Variants in PTPN9 observed in about 807,000 individuals in gnomAD.
The protein encoded by PTPN9 is protein tyrosine phosphatase non-receptor type 9, also known as tyrosine-protein phosphatase non-receptor type 9.
PTPN9 carries 26 observed loss-of-function variants against 69.8 expected under a neutral mutation model. That is an observed-to-expected ratio of 0.37 (90% CI 0.27 to 0.52). The LOEUF (loss-of-function observed/expected upper bound fraction) is 0.52, where lower values mean the gene tolerates loss of function less well. Among genes scored for constraint, PTPN9 ranks in the 20% least tolerant of loss-of-function variants. PTPN9 has a pLI of 0.91. For missense variants in PTPN9, 549 were observed against 740.3 expected, an observed-to-expected ratio of 0.74 and a Z score of 3.00; for synonymous variants, 274 against 272.5, an observed-to-expected ratio of 1.01 and a Z score of -0.05.
chr15:75,544,372 C>T (rs2075022141), intron 1 of PTPN9, among the ~76,000 whole-genome samples: 1 of 152,110 alleles, frequency 6.6e-6, no homozygotes, highest in South Asian at 2.1e-4. Context: ...ATCTCCACAA[C>T]ATATGAAAAT....
chr15:75,463,981 C>CA lies in PTPN9; in HGVS notation c.*4787_*4788insT, dbSNP rs1453570876. The stretch of plus-strand genomic sequence containing the variant: ...TGTTCATGCTTTGCCTCTGAGAAAC[C>CA]CTGTAGACCCCACATTAAGAAACAG... On this transcript the variant is annotated 3_prime_UTR_variant, in exon 13 of 13. Coordinates refer to ENST00000618819, the MANE Select transcript of PTPN9 (RefSeq NM_002833.4). 3 of 152,146 alleles carry CA rather than the reference C, an allele frequency of 2.0e-5. No individual in the cohort carries two copies. Among genetic ancestry groups the CA allele is most frequent in the African/African-American group, 7.2e-5 (3 of 41,410 alleles). 9.4% of individuals were successfully genotyped at this position (152,146 alleles called of 1,614,324 possible).
intron 8 of PTPN9, 36 bp from the exon 9 acceptor site, chr15:75,479,950 AG>A: frequency 7.1e-7 from 1 of 1,405,702 alleles, no homozygotes; most frequent in Non-Finnish European, 9.9e-7. Context: ...ATAGCTACAC[AG>A]AATACACCAT....
chr15:75,523,536 C>A (rs1225244066), intron 3 of PTPN9, among the ~76,000 whole-genome samples: 5 of 152,172 alleles, frequency 3.3e-5, no homozygotes, highest in Non-Finnish European at 7.3e-5. Flanking sequence ...TCCTAGCTAA[C>A]TTCCCTGGCA....
At chr15:75,518,505 A>C in intron 4 of PTPN9, among the ~76,000 whole-genome samples, 1 of 151,608 alleles carries the variant, frequency 6.6e-6, no homozygotes, top group African/African-American at 2.4e-5. Flanking sequence ...AAGAAAAAAA[A>C]GTAGATTAAC....
intron 1 of PTPN9, among the ~76,000 whole-genome samples, chr15:75,572,224 C>T (rs2075151383): frequency 6.6e-6 from 1 of 151,696 alleles, no homozygotes; most frequent in Non-Finnish European, 1.5e-5. Flanking sequence ...CCCAGCTACT[C>T]GGGAGGCCAA....
chr15:75,570,065 C>G (rs1002333346), intron 1 of PTPN9, among the ~76,000 whole-genome samples: 4 of 152,012 alleles, frequency 2.6e-5, no homozygotes, highest in African/African-American at 9.7e-5. Flanking sequence ...GTGATCCACC[C>G]GCCTCGGCCT....
In PTPN9 at chr15:75,464,295, A is replaced by G. The variant is rs186539634; in HGVS notation, c.*4474T>C. 0.016 allele frequency: 2,313 copies of G among 148,618 alleles called. 27 individuals carry two copies. Among genetic ancestry groups the G allele is most frequent in the South Asian group, 0.039 (186 of 4,724 alleles). 9.2% of individuals were successfully genotyped at this position (148,618 alleles called of 1,614,324 possible). On this transcript the variant is annotated 3_prime_UTR_variant, in exon 13 of 13. Coordinates refer to ENST00000618819, the MANE Select transcript of PTPN9 (RefSeq NM_002833.4). ...TCCTGTCTCTAGAGAGAGAGAGAGA[A>G]AAAAAAAAAAAGCTGGGTTCCTGCT...
At chr15:75,491,349 G>A (rs915777977) in intron 7 of PTPN9, among the ~76,000 whole-genome samples, 2 of 150,926 alleles carry the variant, frequency 1.3e-5, no homozygotes, top group Non-Finnish European at 2.9e-5. Context: ...GATGCAGTGA[G>A]CCAACATCAC....
At chr15:75,552,649 T>C (rs897956544) in intron 1 of PTPN9, among the ~76,000 whole-genome samples, 2 of 151,678 alleles carry the variant, frequency 1.3e-5, no homozygotes, top group African/African-American at 4.8e-5. Flanking sequence ...GGATAAGCTA[T>C]GCTCAGTAGG....
intron 7 of PTPN9, among the ~76,000 whole-genome samples, chr15:75,493,467 A>G (rs1215406730): frequency 6.6e-6 from 1 of 152,090 alleles, no homozygotes; most frequent in Non-Finnish European, 1.5e-5. Flanking sequence ...TGATGAAAAT[A>G]TGAGAAAAAC....
chr15:75,468,811 C>A lies in PTPN9; in HGVS notation c.1740G>T (p.Met580Ile). 6.2e-7 allele frequency: 1 copy of A among 1,614,094 alleles called. No homozygotes were observed. Among genetic ancestry groups the A allele is most frequent in the Non-Finnish European group, 8.5e-7 (1 of 1,179,986 alleles). The change falls in exon 13 of 13, where the codon ATG (methionine) becomes ATT (isoleucine). Residue 580 changes from methionine (M) to isoleucine (I), a missense_variant. This residue lies in a region of PTPN9 where 30 missense variants were observed against 24.8 expected (regional missense o/e 1.21). Coordinates refer to ENST00000618819, the MANE Select transcript of PTPN9 (RefSeq NM_002833.4). Reference protein sequence around the residue: ...AILEFAEKEGMVSSGQNLLAV... With the variant: ...AILEFAEKEGIVSSGQNLLAV... ...CCAGCAGGTTTTGGCCAGAGGATACCATGCCCTCCTTCTCTGCGAACTCCA... is the reference window on the plus strand; with the variant it reads ...CCAGCAGGTTTTGGCCAGAGGATACAATGCCCTCCTTCTCTGCGAACTCCA...
chr15:75,551,103 T>C (rs1203477483), intron 1 of PTPN9, among the ~76,000 whole-genome samples: 3 of 152,192 alleles, frequency 2.0e-5, no homozygotes, highest in Non-Finnish European at 2.9e-5. Context: ...ATTAAGACTT[T>C]TAAAAAAATT....
rs899559224 is a variant in PTPN9 at position 75,524,138 on chromosome 15, A to G, written c.297+71T>C. ...AAATTAAAAAAAAAAAAAAAAAAACAAAGTCCAAACAGGACACCAGTTAAA... is the reference window on the plus strand; with the variant it reads ...AAATTAAAAAAAAAAAAAAAAAAACGAAGTCCAAACAGGACACCAGTTAAA... On this transcript the variant is annotated intron_variant, in intron 3 of 12. Transcript: ENST00000618819. The G allele has an allele frequency of 4.4e-5, 33 of 755,204 alleles. No individual in the cohort carries two copies. In the African/African-American group the frequency reaches 4.8e-4, roughly 11 times the overall value. The allele number at this position is 755,204 out of a possible 1,614,324, so 46.8% of individuals were successfully genotyped here. A position where few individuals can be genotyped will look rare whatever the true frequency, so the allele number is the denominator to read the frequency against.
At chr15:75,516,515 T>C (rs2074870409) in intron 5 of PTPN9, among the ~76,000 whole-genome samples, 1 of 151,072 alleles carries the variant, frequency 6.6e-6, no homozygotes, top group Non-Finnish European at 1.5e-5. Context: ...GGTTTCACCA[T>C]GTTAGCCAAG....
intron 1 of PTPN9, among the ~76,000 whole-genome samples, chr15:75,543,158 G>A (rs1380329647): frequency 1.3e-5 from 2 of 151,726 alleles, no homozygotes; most frequent in Non-Finnish European, 2.9e-5. Flanking sequence ...TTTCATCCAT[G>A]TCCCTACAAA....
At chr15:75,485,622 G>T (rs1243037283) in intron 8 of PTPN9, among the ~76,000 whole-genome samples, 1 of 147,200 alleles carries the variant, frequency 6.8e-6, no homozygotes, top group Non-Finnish European at 1.5e-5. Flanking sequence ...CACCCGCCTC[G>T]GCCTCCCAAA....
chr15:75,504,987 A>C (rs1008485880), intron 7 of PTPN9, among the ~76,000 whole-genome samples: 5 of 152,188 alleles, frequency 3.3e-5, no homozygotes, highest in African/African-American at 1.2e-4. Context: ...AGAACGGGCC[A>C]GGATGACAAT....
rs146337585 is a variant in PTPN9 at position 75,476,928 on chromosome 15, G to C, written c.1129+2920C>G. On this transcript the variant is annotated intron_variant, in intron 9 of 12. Coordinates refer to ENST00000618819, the MANE Select transcript of PTPN9 (RefSeq NM_002833.4). ...GAGTACTGAGCAGTCAGAGCATATG[G>C]TAACTCAGTTACCAGACTGGGGCTG... 1.4e-4 allele frequency among the ~76,000 whole-genome samples: 21 copies of C among 152,318 alleles called. No homozygotes were observed. The East Asian group carries it at 3.3e-3, about 24-fold the overall frequency.
At chr15:75,532,131 G>A (rs1044181255) in intron 1 of PTPN9, among the ~76,000 whole-genome samples, 2 of 152,084 alleles carry the variant, frequency 1.3e-5, no homozygotes, top group African/African-American at 4.8e-5. Context: ...GGGCACAGTG[G>A]CTCGCCCCTG....
Sources: allele counts gnomAD v4.1 joint callset (sites outside exome capture counted in the v4.1 genomes callset), GRCh38; gene constraint gnomAD v4.1.1; regional missense constraint gnomAD v4.1.1; transcripts MANE v1.5; gene names NCBI Gene and HGNC (gene_info 2026-07-23, HGNC 2026-07-21).